NFATC3: variants seen among roughly 807,000 people sequenced by gnomAD.
NFATC3 encodes the protein nuclear factor of activated T-cells, cytoplasmic 3.
NFATC3 carries 46 observed loss-of-function variants against 98.6 expected under a neutral mutation model. The ratio of observed to expected loss-of-function variants is 0.47; its 90% CI spans 0.37 to 0.60. The LOEUF (loss-of-function observed/expected upper bound fraction) is 0.60. Ranked by LOEUF, NFATC3 falls within the 20% of genes least tolerant of loss-of-function variation. The pLI is 0.00. For missense variants in NFATC3, 1,256 were observed against 1,295.5 expected (o/e 0.97, Z 0.47); for synonymous variants, 512 against 472.2 (o/e 1.08, Z -1.09).
At chr16:68,216,829 G>A (rs1372527240) in intron 9 of NFATC3, among the ~76,000 whole-genome samples, 1 of 152,004 alleles carries the variant, frequency 6.6e-6, no homozygotes, top group Non-Finnish European at 1.5e-5. Context: ...CACTACACCC[G>A]GCCAAGAAGA....
At chr16:68,163,828 A>G (rs1598480096) in intron 4 of NFATC3, among the ~76,000 whole-genome samples, 1 of 146,478 alleles carries the variant, frequency 6.8e-6, no homozygotes. Context: ...GACGCTCCTC[A>G]CTTCCTAGAT....
chr16:68,154,297 A>G (rs2038495981), intron 3 of NFATC3, among the ~76,000 whole-genome samples: 1 of 152,068 alleles, frequency 6.6e-6, no homozygotes, highest in Admixed American at 6.6e-5. Flanking sequence ...TCCCTCTATC[A>G]TTCTGTGTAT....
rs2042049200 is a variant in NFATC3 at position 68,226,915 on chromosome 16, A to AG, written c.*444_*445insG. The AG allele has an allele frequency of 5.9e-5, 7 of 117,808 alleles. No homozygotes were observed. The highest frequency in any genetic ancestry group is 1.0e-4 in the African/African-American group (4 of 38,318). 7.3% of individuals were successfully genotyped at this position (117,808 alleles called of 1,614,324 possible). ...CTAGAAGCAAAAAAAAAAAAAAAAA[A>AG]AAAAAAAAGAAAAAAAAAGAAAAGA... On this transcript the variant is annotated 3_prime_UTR_variant, in exon 10 of 10. Transcript: ENST00000346183.
intron 1 of NFATC3, among the ~76,000 whole-genome samples, chr16:68,101,363 CA>C: frequency 6.6e-6 from 1 of 152,194 alleles, no homozygotes; most frequent in East Asian, 1.9e-4. Context: ...AGGCTTGTCT[CA>C]AACTGTAGGG....
At position 68,121,194 on chromosome 16, in the gene NFATC3, G is replaced by A. The variant is rs2036555038; in HGVS notation, c.104-793G>A. ...CCCCCTTTTTCAGCTACATTGAGTT[G>A]GATTTTCTGTTCTTTGCAGCCTAGG... On this transcript the variant is annotated intron_variant, in intron 1 of 9. Coordinates refer to ENST00000346183, the MANE Select transcript of NFATC3 (RefSeq NM_173165.3). Among the ~76,000 whole-genome samples, 6 of 148,858 alleles carry A rather than the reference G, an allele frequency of 4.0e-5. No homozygotes were observed. In the South Asian group the frequency reaches 1.3e-3, roughly 32 times the overall value.
At chr16:68,144,387 T>G (rs1270600380) in intron 3 of NFATC3, among the ~76,000 whole-genome samples, 6 of 152,148 alleles carry the variant, frequency 3.9e-5, no homozygotes, top group Middle Eastern at 3.4e-3. Context: ...CTTAAAAAAC[T>G]AAGCTTCCCT....
At chr16:68,153,257 C>A (rs1290553145) in intron 3 of NFATC3, among the ~76,000 whole-genome samples, 1 of 152,098 alleles carries the variant, frequency 6.6e-6, no homozygotes, top group African/African-American at 2.4e-5. Context: ...CCCGTCTCTA[C>A]TAAAAATGCA....
chr16:68,110,104 A>G (rs2035864215), intron 1 of NFATC3, among the ~76,000 whole-genome samples: 1 of 152,074 alleles, frequency 6.6e-6, no homozygotes. Context: ...TCCTGGGTTC[A>G]AGCAATTCTC....
rs1225237906 is a variant in NFATC3 at position 68,122,046 on chromosome 16, A to C, written c.163A>C (p.Thr55Pro). The change falls in exon 2 of 10, where the codon ACT (threonine) becomes CCT (proline). Residue 55 changes from threonine to proline, a missense_variant. Physicochemically the swap from Thr to Pro is conservative, Grantham distance 38. Transcript: ENST00000346183. ...YIFNVDPPPS[T>P]LTTPLCLPHH... ...CTTTAATGTAGATCCACCTCCATCTACTTTAACCACACCACTTTGCTTACC... is the reference window on the plus strand; with the variant it reads ...CTTTAATGTAGATCCACCTCCATCTCCTTTAACCACACCACTTTGCTTACC... The C allele has an allele frequency of 6.2e-7, 1 of 1,613,014 alleles. No homozygotes were observed. Among genetic ancestry groups the C allele is most frequent in the African/African-American group, 1.3e-5 (1 of 74,520 alleles).
intron 9 of NFATC3, chr16:68,218,172 C>T (rs1238477168): frequency 2.9e-6 from 1 of 349,258 alleles, no homozygotes; most frequent in East Asian, 1.7e-4. Context: ...AAGTGATCCT[C>T]TTGTCTCAAC....
chr16:68,157,738 T>C (rs774729811), intron 3 of NFATC3, 131 bp from the exon 4 acceptor site: 10 of 676,178 alleles, frequency 1.5e-5, no homozygotes, highest in Non-Finnish European at 2.0e-5. Context: ...TACTTTTGGT[T>C]GTATTTTTTG....
intron 3 of NFATC3, among the ~76,000 whole-genome samples, chr16:68,127,193 A>G (rs918286145): frequency 3.9e-5 from 6 of 152,204 alleles, no homozygotes; most frequent in African/African-American, 1.4e-4. Flanking sequence ...AGCCTGGGTG[A>G]CAGAACTAGA....
chr16:68,136,488 C>T (rs1012283905), intron 3 of NFATC3, among the ~76,000 whole-genome samples: 15 of 152,082 alleles, frequency 9.9e-5, no homozygotes, highest in South Asian at 2.1e-4. Flanking sequence ...AGGCTGGTTT[C>T]GAACCCCTAG....
rs112479702 is a variant in NFATC3 at position 68,181,403 on chromosome 16, C to G, written c.1916-72C>G. 10 of 1,002,888 alleles carry G rather than the reference C, an allele frequency of 1.0e-5. No individual in the cohort carries two copies. In the African/African-American group the frequency reaches 1.4e-4, roughly 15 times the overall value. The allele number at this position is 1,002,888 out of a possible 1,614,324, so 62.1% of individuals were successfully genotyped here. On this transcript the variant is annotated intron_variant, in intron 6 of 9. Transcript: ENST00000346183. ...TTTGTTAATAAATTTGTGATACTAT[C>G]CATGCATTAGATTTTGTCTGTATGC... is the stretch of plus-strand genomic sequence containing the variant.
chr16:68,099,556 G>T (rs1225400003), intron 1 of NFATC3, among the ~76,000 whole-genome samples: 1 of 151,562 alleles, frequency 6.6e-6, no homozygotes, highest in Non-Finnish European at 1.5e-5. Context: ...AGCTGAGATT[G>T]GGCCATTTCA....
intron 4 of NFATC3, among the ~76,000 whole-genome samples, chr16:68,159,152 C>T (rs933158089): frequency 1.3e-5 from 2 of 152,128 alleles, no homozygotes; most frequent in Non-Finnish European, 2.9e-5. Context: ...GGATCACTTG[C>T]CCGGGAGGCA....
Position 68,106,165 on chromosome 16 carries a change from C to T in NFATC3, c.104-15822C>T, listed in dbSNP as rs572958822. ...GATTATAGGTGTGAGCCGCCGCACCCGATCCTGTTCATAGTATTCTTATTA... is the reference window on the plus strand; with the variant it reads ...GATTATAGGTGTGAGCCGCCGCACCTGATCCTGTTCATAGTATTCTTATTA... On this transcript the variant is annotated intron_variant, in intron 1 of 9. Coordinates refer to ENST00000346183, the MANE Select transcript of NFATC3 (RefSeq NM_173165.3). 4.5e-4 allele frequency among the ~76,000 whole-genome samples: 68 copies of T among 152,150 alleles called. 1 individual carries two copies. The Middle Eastern group carries it at 0.021, about 46-fold the overall frequency.
chr16:68,100,907 G>GT (rs2035310876), intron 1 of NFATC3, among the ~76,000 whole-genome samples: 2 of 142,824 alleles, frequency 1.4e-5, no homozygotes, highest in East Asian at 2.0e-4. Flanking sequence ...GTGTGTGTGG[G>GT]GTGTGTGTGT....
chr16:68,142,106 G>A (rs1251109925), intron 3 of NFATC3, among the ~76,000 whole-genome samples: 1 of 152,098 alleles, frequency 6.6e-6, no homozygotes, highest in Non-Finnish European at 1.5e-5. Context: ...TCAAAGATCA[G>A]CTGGTTGTAA....
Sources: allele counts gnomAD v4.1 joint callset (sites outside exome capture counted in the v4.1 genomes callset), GRCh38; gene constraint gnomAD v4.1.1; transcripts MANE v1.5; gene names NCBI Gene and HGNC (gene_info 2026-07-23, HGNC 2026-07-21).